Variants in BLVRB observed in about 807,000 individuals in gnomAD.
BLVRB encodes flavin reductase (NADPH).
Under a neutral mutation model 21.1 loss-of-function variants are expected in BLVRB, and 25 were observed. The ratio of observed to expected loss-of-function variants is 1.19; its 90% confidence interval spans 0.86 to 1.66. BLVRB has a LOEUF of 1.66. BLVRB is among the 40% of genes most tolerant of loss of function. BLVRB has a pLI of 0.00. For missense variants in BLVRB, 274 were observed against 282.7 expected (o/e 0.97, Z 0.22); for synonymous variants, 128 against 122.2 (o/e 1.05, Z -0.31).
At chr19:40,464,458 A>G (rs1306191391) in intron 1 of BLVRB, among the ~76,000 whole-genome samples, 1 of 152,070 alleles carries the variant, frequency 6.6e-6, no homozygotes, top group East Asian at 1.9e-4. Context: ...TCAGAGCCAC[A>G]GCTCTGAAGC....
chr19:40,451,522 G>A, intron 3 of BLVRB, 30 bp from the exon 4 acceptor site: 1 of 1,517,108 alleles, frequency 6.6e-7, no homozygotes, highest in South Asian at 1.3e-5. Flanking sequence ...GGATCAGCCT[G>A]GGCTCTCTTG....
intron 1 of BLVRB, among the ~76,000 whole-genome samples, chr19:40,464,444 T>G (rs2079801885): frequency 6.6e-6 from 1 of 151,924 alleles, no homozygotes; most frequent in South Asian, 2.1e-4. Flanking sequence ...TGGGAAGAGA[T>G]TTTTCAGAGC....
intron 4 of BLVRB, chr19:40,450,217 A>C: frequency 8.2e-6 from 1 of 122,540 alleles, no homozygotes; most frequent in Admixed American, 8.6e-5. Flanking sequence ...AAAAAAAAAA[A>C]AAAAAAAGCC....
At chr19:40,464,502 A>G (rs1407488874) in intron 1 of BLVRB, among the ~76,000 whole-genome samples, 2 of 152,214 alleles carry the variant, frequency 1.3e-5, no homozygotes, top group Admixed American at 1.3e-4. Flanking sequence ...CTCTGAGTGC[A>G]GTCCCAGCTA....
At chr19:40,448,194 T>G in intron 4 of BLVRB, 148 bp from the exon 5 acceptor site, 1 of 764,170 alleles carries the variant, frequency 1.3e-6, no homozygotes, top group Non-Finnish European at 2.1e-6. Context: ...CATATGCAGG[T>G]GCTCATCTAT....
intron 3 of BLVRB, among the ~76,000 whole-genome samples, chr19:40,453,018 G>C (rs1177364014): frequency 6.6e-6 from 1 of 152,124 alleles, no homozygotes; most frequent in African/African-American, 2.4e-5. Flanking sequence ...AGCCGAGATC[G>C]TGCCATTGCA....
chr19:40,455,891 C>T lies in BLVRB; in HGVS notation c.334+2264G>A, dbSNP rs150881968. Among the ~76,000 whole-genome samples, 493 of 152,062 alleles carry T rather than the reference C, an allele frequency of 3.2e-3. 5 individuals are homozygous for T. Among genetic ancestry groups the T allele is most frequent in the African/African-American group, 0.011 (473 of 41,490 alleles). Reference sequence around the variant, plus strand: ...CTTTGGGAGGCTGAGGCTGGTGGATCGCTTGAGTCCGGGAGTTCGGGACCA... The same window carrying T: ...CTTTGGGAGGCTGAGGCTGGTGGATTGCTTGAGTCCGGGAGTTCGGGACCA... On this transcript the variant is annotated intron_variant, in intron 3 of 4. Coordinates refer to ENST00000263368, the MANE Select transcript of BLVRB (RefSeq NM_000713.3).
chr19:40,459,552 C>A (rs757525655), intron 1 of BLVRB, among the ~76,000 whole-genome samples: 1 of 150,762 alleles, frequency 6.6e-6, no homozygotes, highest in Non-Finnish European at 1.5e-5. Flanking sequence ...GGTTCAGGCA[C>A]GTGCCACCAC....
chr19:40,464,319 C>G (rs1419416633), intron 1 of BLVRB, among the ~76,000 whole-genome samples: 4 of 152,048 alleles, frequency 2.6e-5, no homozygotes, highest in Non-Finnish European at 5.9e-5. Flanking sequence ...GTCTCAAACT[C>G]CTGGCCTCAA....
At chr19:40,461,394 T>A (rs373434207) in intron 1 of BLVRB, among the ~76,000 whole-genome samples, 8 of 152,156 alleles carry the variant, frequency 5.3e-5, no homozygotes, top group African/African-American at 1.9e-4. Flanking sequence ...TGAAATGCCC[T>A]GTGATAAAAC....
At chr19:40,448,199 A>G (rs2079722880) in intron 4 of BLVRB, among the ~76,000 whole-genome samples, 153 bp from the exon 5 acceptor site, 1 of 152,100 alleles carries the variant, frequency 6.6e-6, no homozygotes, top group African/African-American at 2.4e-5. Flanking sequence ...GCAGGTGCTC[A>G]TCTATATCCT....
intron 1 of BLVRB, 50 bp from the exon 2 acceptor site, chr19:40,458,595 G>A (rs1473304033): frequency 1.3e-6 from 2 of 1,516,604 alleles, no homozygotes; most frequent in African/African-American, 2.7e-5. Context: ...GGCACTCTTG[G>A]GCTCCAGGAG....
intron 1 of BLVRB, 31 bp downstream of exon 1, chr19:40,465,579 C>T: frequency 1.3e-6 from 2 of 1,596,470 alleles, no homozygotes; most frequent in Non-Finnish European, 1.7e-6. Context: ...CCGTCTGTCC[C>T]GTGACATGCC....
At chr19:40,463,114 G>A (rs888783393) in intron 1 of BLVRB, among the ~76,000 whole-genome samples, 10 of 152,116 alleles carry the variant, frequency 6.6e-5, no homozygotes, top group Admixed American at 5.2e-4. Flanking sequence ...CACAGTTTGA[G>A]AAGCATCAGG....
chr19:40,457,998 G>T, intron 3 of BLVRB, 157 bp downstream of exon 3: 1 of 728,188 alleles, frequency 1.4e-6, no homozygotes, highest in East Asian at 2.7e-5. Flanking sequence ...GGTCACCACT[G>T]TGTCCCCAGC....
At chr19:40,462,648 T>C (rs1485767446) in intron 1 of BLVRB, among the ~76,000 whole-genome samples, 3 of 148,000 alleles carry the variant, frequency 2.0e-5, no homozygotes, top group Non-Finnish European at 4.5e-5. Context: ...TCCCAGCACT[T>C]TGGGAGGCTG....
chr19:40,452,019 C>G (rs914030827), intron 3 of BLVRB, among the ~76,000 whole-genome samples: 1 of 152,160 alleles, frequency 6.6e-6, no homozygotes, highest in Non-Finnish European at 1.5e-5. Context: ...CCACTGTTAC[C>G]TCTTGCCTGG....
At chr19:40,457,164 C>CAA (rs34827058) in intron 3 of BLVRB, among the ~76,000 whole-genome samples, 7 of 90,188 alleles carry the variant, frequency 7.8e-5, no homozygotes, top group Non-Finnish European at 1.2e-4. Flanking sequence ...CAGAAAGTCT[C>CAA]AAAAAAAAAA....
intron 1 of BLVRB, among the ~76,000 whole-genome samples, chr19:40,465,072 C>T (rs1437683001): frequency 6.6e-6 from 1 of 152,168 alleles, no homozygotes; most frequent in African/African-American, 2.4e-5. Flanking sequence ...GACCCCCCAA[C>T]TTTTTCAGTT....
Sources: gnomAD v4.1 joint callset for allele counts (sites outside exome capture counted in the v4.1 genomes callset) on GRCh38, gnomAD v4.1.1 for gene constraint, MANE v1.5 for transcripts, NCBI Gene and HGNC (gene_info 2026-07-23, HGNC 2026-07-21) for gene names.